Variants in CPNE4 observed in about 807,000 individuals in gnomAD.
CPNE4 encodes copine 4.
Under a neutral mutation model 67.9 loss-of-function variants are expected in CPNE4, and 25 were observed. The observed-to-expected ratio is 0.37, with a 90% CI of 0.27 to 0.51. The LOEUF (loss-of-function observed/expected upper bound fraction) is 0.51, where lower values mean the gene tolerates loss of function less well. CPNE4 is among the 20% of genes least tolerant of loss of function. CPNE4 has a pLI of 0.93. For synonymous variants in CPNE4, 242 were observed against 244.9 expected (o/e 0.99, Z 0.11); for missense variants, 464 against 690.8 (o/e 0.67, Z 3.68).
At chr3:131,971,286 A>G (rs1165942652) in intron 1 of CPNE4, among the ~76,000 whole-genome samples, 2 of 152,170 alleles carry the variant, frequency 1.3e-5, no homozygotes, top group African/African-American at 4.8e-5. Context: ...TATGACCTAG[A>G]CTTGTAAGTC....
chr3:131,659,772 A>G (rs535299733), intron 7 of CPNE4, among the ~76,000 whole-genome samples: 2 of 152,220 alleles, frequency 1.3e-5, no homozygotes, highest in Admixed American at 6.5e-5. Context: ...GGAATTTGGG[A>G]GTCAGAAAGA....
rs557007800 is a variant in CPNE4, at chr3:131,679,925, G to A, written c.591+5950C>T. Among the ~76,000 whole-genome samples, 301 of 152,314 alleles carry A rather than the reference G, an allele frequency of 2.0e-3. 1 individual carries two copies. Among genetic ancestry groups the A allele is most frequent in the Non-Finnish European group, 3.3e-3 (222 of 68,028 alleles). On this transcript the variant is annotated intron_variant, in intron 6 of 15. Coordinates refer to ENST00000429747, the MANE Select transcript of CPNE4 (RefSeq NM_130808.3). ...TCTATTGTTTTGCATGGAGAGTTCT[G>A]TAGATATCTATCAGGTCCATTTGAT...
At chr3:131,943,898 C>A (rs758521282) in intron 1 of CPNE4, among the ~76,000 whole-genome samples, 4 of 152,118 alleles carry the variant, frequency 2.6e-5, no homozygotes, top group Non-Finnish European at 5.9e-5. Flanking sequence ...AATCCCCTGC[C>A]TTTGCAGAAG....
chr3:131,627,151 C>T (rs1182667326), intron 7 of CPNE4, among the ~76,000 whole-genome samples: 1 of 133,494 alleles, frequency 7.5e-6, no homozygotes, highest in Non-Finnish European at 1.5e-5. Context: ...TGAGATTGTG[C>T]CACTGCACTC....
intron 1 of CPNE4, among the ~76,000 whole-genome samples, chr3:131,970,373 G>A (rs2072469829): frequency 6.6e-6 from 1 of 152,206 alleles, no homozygotes; most frequent in African/African-American, 2.4e-5. Context: ...ATAATCCAGT[G>A]TATGCTGACC....
At chr3:131,842,783 G>A (rs1490354776) in intron 2 of CPNE4, among the ~76,000 whole-genome samples, 2 of 148,606 alleles carry the variant, frequency 1.3e-5, no homozygotes, top group East Asian at 2.0e-4. Context: ...CTGAAGTGCT[G>A]AATTGTAAAT....
At chr3:131,970,228 T>C (rs1168197947) in intron 1 of CPNE4, among the ~76,000 whole-genome samples, 1 of 152,238 alleles carries the variant, frequency 6.6e-6, no homozygotes, top group Non-Finnish European at 1.5e-5. Flanking sequence ...TATCTGTGTC[T>C]CTGCATAACT....
intron 1 of CPNE4, among the ~76,000 whole-genome samples, chr3:132,018,193 A>T (rs2073925967): frequency 6.6e-6 from 1 of 152,180 alleles, no homozygotes; most frequent in Non-Finnish European, 1.5e-5. Flanking sequence ...CATAGAAGAC[A>T]TCTATTGCTG....
chr3:131,535,098 GTTGTTGGT>G lies in CPNE4; in HGVS notation c.*89_*96del. The G allele has an allele frequency of 3.1e-6, 4 of 1,288,988 alleles. No individual in the cohort carries two copies. The highest frequency in any genetic ancestry group is 4.2e-6 in the Non-Finnish European group (4 of 946,210). The allele number at this position is 1,288,988 out of a possible 1,614,324, so 79.8% of individuals were successfully genotyped here. On this transcript the variant is annotated 3_prime_UTR_variant, in exon 16 of 16. Transcript: ENST00000429747. ...ACGTGCTATTTTTAAATGTGTATAT[GTTGTTGGT>G]TTTTTAAAGTACAGGAGTAGTAGAA...
At chr3:131,551,565 GA>G (rs1207465804) in intron 13 of CPNE4, among the ~76,000 whole-genome samples, 2 of 151,946 alleles carry the variant, frequency 1.3e-5, no homozygotes, top group Non-Finnish European at 2.9e-5. Context: ...TACATTAGTG[GA>G]AAAAATGGCA....
chr3:132,035,730 G>A (rs370129178), upstream of CPNE4, among the ~76,000 whole-genome samples: 2 of 152,288 alleles, frequency 1.3e-5, no homozygotes, highest in East Asian at 1.9e-4. Flanking sequence ...TTCTGATTAT[G>A]TCTGCTACCA....
chr3:131,938,832 G>A (rs910477499), intron 1 of CPNE4, among the ~76,000 whole-genome samples: 3 of 152,058 alleles, frequency 2.0e-5, no homozygotes, highest in African/African-American at 7.2e-5. Flanking sequence ...AAATGGATCA[G>A]GTTTATGGGG....
At chr3:132,011,775 A>T (rs2073769233) in intron 1 of CPNE4, among the ~76,000 whole-genome samples, 1 of 152,338 alleles carries the variant, frequency 6.6e-6, no homozygotes, top group East Asian at 1.9e-4. Context: ...ATTAGAAGAA[A>T]CATATACCAC....
At chr3:131,624,104 G>A (rs1940614371) in intron 7 of CPNE4, among the ~76,000 whole-genome samples, 1 of 152,096 alleles carries the variant, frequency 6.6e-6, no homozygotes, top group African/African-American at 2.4e-5. Flanking sequence ...GTGTCTTTCT[G>A]AGTTTTGTCT....
chr3:131,786,932 C>T (rs1490494712), intron 2 of CPNE4, among the ~76,000 whole-genome samples: 1 of 152,184 alleles, frequency 6.6e-6, no homozygotes, highest in Non-Finnish European at 1.5e-5. Context: ...CAATCACATT[C>T]TGAGAAGTTA....
At position 131,575,021 on chromosome 3, in the gene CPNE4, T is replaced by A. The variant is rs778399923; in HGVS notation, c.927+50A>T. On this transcript the variant is annotated intron_variant, in intron 10 of 15. Coordinates refer to ENST00000429747, the MANE Select transcript of CPNE4 (RefSeq NM_130808.3). Reference sequence around the variant, plus strand: ...CCCCCAAACCCAGTGCCACCCCTCATCTCTTGATTCCTGAATAAGAATCAA... The same window carrying A: ...CCCCCAAACCCAGTGCCACCCCTCAACTCTTGATTCCTGAATAAGAATCAA... 9 of 1,518,766 alleles carry A rather than the reference T, an allele frequency of 5.9e-6. No homozygotes were observed. The South Asian group carries it at 1.0e-4, about 17-fold the overall frequency. 94.1% of individuals were successfully genotyped at this position (1,518,766 alleles called of 1,614,324 possible). A position where few individuals can be genotyped will look rare whatever the true frequency, so the allele number is the denominator to read the frequency against.
At chr3:131,849,879 C>G (rs1035497617) in intron 2 of CPNE4, among the ~76,000 whole-genome samples, 1 of 152,170 alleles carries the variant, frequency 6.6e-6, no homozygotes. Flanking sequence ...TCCTGTGCCA[C>G]AGAGTTTCTG....
chr3:131,724,032 A>T (rs2107747699), intron 2 of CPNE4, among the ~76,000 whole-genome samples: 1 of 152,230 alleles, frequency 6.6e-6, no homozygotes, highest in Non-Finnish European at 1.5e-5. Context: ...GCATTTCATG[A>T]TTGATTCAAC....
intron 2 of CPNE4, among the ~76,000 whole-genome samples, chr3:131,884,371 G>A (rs569712269): frequency 1.3e-5 from 2 of 152,206 alleles, no homozygotes; most frequent in Non-Finnish European, 2.9e-5. Flanking sequence ...GATGGAGAGT[G>A]GACAAGGAAA....
Sources: allele counts gnomAD v4.1 joint callset (sites outside exome capture counted in the v4.1 genomes callset), GRCh38; gene constraint gnomAD v4.1.1; transcripts MANE v1.5; gene names NCBI Gene and HGNC (gene_info 2026-07-23, HGNC 2026-07-21).